The following DOCK3 variants were observed in gnomAD, a reference collection of about 807,000 sequenced individuals.
DOCK3 encodes the protein dedicator of cytokinesis protein 3.
DOCK3 carries 60 observed loss-of-function variants against 265.6 expected under a neutral mutation model. The ratio of observed to expected loss-of-function variants is 0.23; its 90% CI spans 0.18 to 0.28. The LOEUF (loss-of-function observed/expected upper bound fraction) is 0.28, where lower values mean the gene tolerates loss of function less well. Ranked by LOEUF, DOCK3 falls within the 10% of genes least tolerant of loss-of-function variation. The pLI, the probability that DOCK3 is intolerant of heterozygous loss-of-function variation, is 1.00. For missense variants in DOCK3, 1,981 were observed against 2,594.3 expected, an observed-to-expected ratio of 0.76 and a Z score of 5.14; for synonymous variants, 881 against 938.0, an observed-to-expected ratio of 0.94 and a Z score of 1.11.
At chr3:51,272,789 A>C (rs2080580312) in intron 24 of DOCK3, among the ~76,000 whole-genome samples, 1 of 152,070 alleles carries the variant, frequency 6.6e-6, no homozygotes, top group Non-Finnish European at 1.5e-5. Context: ...TCCAGCTCCT[A>C]TACTGAAGAT....
At chr3:50,921,447 G>A (rs775916460) in intron 4 of DOCK3, among the ~76,000 whole-genome samples, 12 of 152,092 alleles carry the variant, frequency 7.9e-5, no homozygotes, top group South Asian at 6.2e-4. Flanking sequence ...TTAGCCATTC[G>A]TCTAATCTTT....
intron 3 of DOCK3, among the ~76,000 whole-genome samples, chr3:50,886,369 A>G (rs2048338088): frequency 6.6e-6 from 1 of 151,806 alleles, no homozygotes; most frequent in Non-Finnish European, 1.5e-5. Context: ...TCATTTAGCT[A>G]TGGTTACGTG....
At chr3:51,146,681 C>T in intron 10 of DOCK3, 51 bp downstream of exon 10, 3 of 1,510,864 alleles carry the variant, frequency 2.0e-6, no homozygotes, top group Non-Finnish European at 2.7e-6. Context: ...AACCAGTGGC[C>T]TGCTATGTGG....
At chr3:51,134,816 C>T (rs2084720123) in intron 9 of DOCK3, among the ~76,000 whole-genome samples, 1 of 152,134 alleles carries the variant, frequency 6.6e-6, no homozygotes, top group Admixed American at 6.5e-5. Flanking sequence ...ACAGATAAAG[C>T]ATGGGCTTTG....
chr3:50,814,941 C>T (rs2043988514), intron 2 of DOCK3, among the ~76,000 whole-genome samples: 1 of 152,158 alleles, frequency 6.6e-6, no homozygotes, highest in South Asian at 2.1e-4. Flanking sequence ...TCCCCTGCCT[C>T]AGCCTCCCAA....
chr3:50,974,116 T>C (rs1467445898), intron 5 of DOCK3, among the ~76,000 whole-genome samples: 1 of 151,310 alleles, frequency 6.6e-6, no homozygotes, highest in Admixed American at 6.6e-5. Context: ...GGTAGTTTCT[T>C]TTGCTGTACA....
chr3:50,796,603 G>C (rs992927776), intron 2 of DOCK3, among the ~76,000 whole-genome samples: 3 of 152,200 alleles, frequency 2.0e-5, no homozygotes, highest in African/African-American at 7.2e-5. Flanking sequence ...CTCCCAAAGT[G>C]TTGGGATTAC....
rs1293463687 is a variant in DOCK3 at position 50,843,755 on chromosome 3, A to AT, written c.162+2043dup. ...TTCTAGAATCTTAGGTTATTACAGC[A>AT]TTTATTAGCAACATGTATCTATATA... On this transcript the variant is annotated intron_variant, in intron 3 of 52. Coordinates refer to ENST00000266037, the MANE Select transcript of DOCK3 (RefSeq NM_004947.5). Among the ~76,000 whole-genome samples the AT allele has an allele frequency of 7.9e-5, 12 of 152,284 alleles. No homozygotes were observed. In the South Asian group the frequency reaches 1.2e-3, roughly 16 times the overall value.
At chr3:50,814,345 C>T (rs762799125) in intron 2 of DOCK3, among the ~76,000 whole-genome samples, 1 of 152,132 alleles carries the variant, frequency 6.6e-6, no homozygotes, top group African/African-American at 2.4e-5. Context: ...AAGCTCACTG[C>T]AACCTTTGCC....
intron 14 of DOCK3, among the ~76,000 whole-genome samples, chr3:51,222,917 C>CT (rs1427560407): frequency 1.3e-5 from 2 of 152,126 alleles, no homozygotes; most frequent in Non-Finnish European, 2.9e-5. Context: ...TTAACAATCT[C>CT]TAAGACACTA....
chr3:51,368,364 C>G (rs759146593), intron 49 of DOCK3, among the ~76,000 whole-genome samples: 1 of 152,180 alleles, frequency 6.6e-6, no homozygotes, highest in Non-Finnish European at 1.5e-5. Flanking sequence ...CCTAATACTG[C>G]GCTTTTCCAG....
At chr3:50,763,744 G>A (rs1198717037) in intron 1 of DOCK3, among the ~76,000 whole-genome samples, 1 of 151,838 alleles carries the variant, frequency 6.6e-6, no homozygotes, top group Non-Finnish European at 1.5e-5. Context: ...TTTCATTCCT[G>A]ATATTAGTAA....
chr3:51,199,210 G>A (rs186737972), intron 12 of DOCK3, among the ~76,000 whole-genome samples: 38 of 152,326 alleles, frequency 2.5e-4, no homozygotes, highest in Non-Finnish European at 3.4e-4. Flanking sequence ...GCAGCACACC[G>A]TGCGTGAGCC....
chr3:50,694,961 G>C (rs1347925518), intron 1 of DOCK3, among the ~76,000 whole-genome samples: 1 of 152,110 alleles, frequency 6.6e-6, no homozygotes, highest in Non-Finnish European at 1.5e-5. Context: ...TTTCCCTTTG[G>C]GGCAGGCTAG....
intron 9 of DOCK3, among the ~76,000 whole-genome samples, chr3:51,104,516 A>G (rs1267126000): frequency 6.6e-6 from 1 of 152,222 alleles, no homozygotes; most frequent in African/African-American, 2.4e-5. Flanking sequence ...GAGACTTAAT[A>G]TAATAATATC....
chr3:51,148,549 T>C (rs1031806741), intron 10 of DOCK3, among the ~76,000 whole-genome samples: 6 of 152,142 alleles, frequency 3.9e-5, no homozygotes, highest in Non-Finnish European at 5.9e-5. Flanking sequence ...CCAGTTTCAG[T>C]TTTCTACATA....
At chr3:51,364,743 C>A (rs183280094) in intron 49 of DOCK3, among the ~76,000 whole-genome samples, 2 of 152,202 alleles carry the variant, frequency 1.3e-5, no homozygotes, top group African/African-American at 2.4e-5. Flanking sequence ...AATAGAGAAT[C>A]TTTCCCCATT....
chr3:50,767,915 C>CTGTT (rs144797798), intron 1 of DOCK3, among the ~76,000 whole-genome samples: 151,534 of 152,054 alleles, frequency 1, 75,514 homozygotes, highest in Middle Eastern at 1. Context: ...ATTTGGCTCT[C>CTGTT]TGTCCGTTAT....
intron 29 of DOCK3, 137 bp downstream of exon 29, chr3:51,312,216 C>G: frequency 1.2e-6 from 1 of 821,712 alleles, no homozygotes; most frequent in Non-Finnish European, 1.9e-6. Flanking sequence ...TAGAATATGA[C>G]CTGGGATACC....
Sources: allele counts gnomAD v4.1 joint callset (sites outside exome capture counted in the v4.1 genomes callset), GRCh38; gene constraint gnomAD v4.1.1; transcripts MANE v1.5; gene names NCBI Gene and HGNC (gene_info 2026-07-23, HGNC 2026-07-21).